Variants in LINGO1 observed in about 807,000 individuals in gnomAD.
LINGO1 encodes leucine rich repeat and Ig domain containing 1, also known as leucine-rich repeat and immunoglobulin-like domain-containing nogo receptor-interacting protein 1.
In LINGO1, 11 loss-of-function variants were observed where a neutral mutation model predicts 37.3. That is an observed-to-expected ratio of 0.29 (90% CI 0.19 to 0.49). The LOEUF is 0.49. LINGO1 is among the 20% of genes least tolerant of loss of function. LINGO1 has a pLI of 0.99. For missense variants in LINGO1, 585 were observed against 878.2 expected, an observed-to-expected ratio of 0.67 and a Z score of 4.22; for synonymous variants, 387 against 403.0, an observed-to-expected ratio of 0.96 and a Z score of 0.48.
At chr15:77,722,018 G>A (rs1169127605) in intron 2 of LINGO1, among the ~76,000 whole-genome samples, 2 of 152,136 alleles carry the variant, frequency 1.3e-5, no homozygotes, top group Admixed American at 6.5e-5. Flanking sequence ...TGGGGGGTGA[G>A]GCTGGGTGCT....
At chr15:77,776,447 T>TAGCAGGAAAGCAGGAAGGCAGGAA (rs1596217529) in intron 1 of LINGO1, among the ~76,000 whole-genome samples, 4 of 34,940 alleles carry the variant, frequency 1.1e-4, no homozygotes, top group African/African-American at 4.1e-4. Context: ...CCCGGGGCTT[T>TAGCAGGAAAGCAGGAAGGCAGGAA]AGCAGGAAGG....
At chr15:77,745,598 G>A (rs61069472) in intron 1 of LINGO1, among the ~76,000 whole-genome samples, 7,035 of 152,196 alleles carry the variant, frequency 0.046, 522 homozygotes, top group African/African-American at 0.16. Context: ...AGTGAAACCT[G>A]CAGGTCTTTT....
At chr15:77,615,945 C>A (rs1370734738) in intron 1 of LINGO1, 45 bp from the exon 2 acceptor site, 1 of 1,381,048 alleles carries the variant, frequency 7.2e-7, no homozygotes, top group Non-Finnish European at 9.5e-7. Flanking sequence ...GGTTAGGGGG[C>A]AGTGTGTGTC....
At chr15:77,645,891 G>A (rs944643425) in intron 3 of LINGO1, among the ~76,000 whole-genome samples, 1 of 152,238 alleles carries the variant, frequency 6.6e-6, no homozygotes, top group Non-Finnish European at 1.5e-5. Flanking sequence ...AAGATGCCAA[G>A]TGCCCTTAGA....
chr15:77,671,462 C>T (rs1056962785), intron 3 of LINGO1, among the ~76,000 whole-genome samples: 3 of 152,212 alleles, frequency 2.0e-5, no homozygotes, highest in South Asian at 2.1e-4. Flanking sequence ...ACAGTGATGA[C>T]GCAGTTGGGC....
chr15:77,661,178 C>T (rs1020162113), intron 3 of LINGO1, among the ~76,000 whole-genome samples: 1 of 152,154 alleles, frequency 6.6e-6, no homozygotes, highest in Non-Finnish European at 1.5e-5. Flanking sequence ...AGGGACAGTG[C>T]CTGAGCCCCC....
At chr15:77,731,153 T>G (rs550879822) in intron 2 of LINGO1, among the ~76,000 whole-genome samples, 1 of 152,110 alleles carries the variant, frequency 6.6e-6, no homozygotes, top group African/African-American at 2.4e-5. Flanking sequence ...GCAGGCAGGC[T>G]GGGGTGGGGG....
intron 2 of LINGO1, among the ~76,000 whole-genome samples, chr15:77,716,858 G>C (rs1484452223): frequency 6.6e-6 from 1 of 150,488 alleles, no homozygotes; most frequent in Non-Finnish European, 1.5e-5. Context: ...CACACAGCAA[G>C]TCAGGGCCCA....
At chr15:77,699,741 CA>C (rs144642433), upstream of LINGO1, among the ~76,000 whole-genome samples, 2 of 202 alleles carry the variant, frequency 9.9e-3, no homozygotes, top group Admixed American at 0.05. Context: ...TACTAACCAT[CA>C]CCTGCACACA....
intron 1 of LINGO1, chr15:77,784,711 G>C (rs542621106): frequency 6.6e-6 from 1 of 150,406 alleles, no homozygotes; most frequent in Non-Finnish European, 1.5e-5. Context: ...CGGTGGCTCA[G>C]AGGCATGAGT....
At chr15:77,686,045 A>AT (rs1277457162) in intron 2 of LINGO1, among the ~76,000 whole-genome samples, 1 of 152,124 alleles carries the variant, frequency 6.6e-6, no homozygotes, top group Non-Finnish European at 1.5e-5. Context: ...CAGCTGGAGC[A>AT]TGGCAGGAGG....
chr15:77,755,611 A>G (rs1331777508), intron 1 of LINGO1, among the ~76,000 whole-genome samples: 3 of 152,176 alleles, frequency 2.0e-5, no homozygotes, highest in African/African-American at 7.2e-5. Flanking sequence ...TAGAGTTGCT[A>G]TCATTGTTTA....
chr15:77,648,079 G>A (rs2074676769), intron 3 of LINGO1: 7 of 374,186 alleles, frequency 1.9e-5, no homozygotes, highest in Non-Finnish European at 1.1e-5. Flanking sequence ...GGTAAGTGGG[G>A]AGGACTTTGG....
At chr15:77,621,189 C>T (rs974897438) in intron 1 of LINGO1, among the ~76,000 whole-genome samples, 6 of 151,894 alleles carry the variant, frequency 4.0e-5, no homozygotes, top group South Asian at 4.2e-4. Context: ...CAGATAGCTG[C>T]GATTATAGGT....
At chr15:77,663,141 T>C (rs184220232) in intron 3 of LINGO1, among the ~76,000 whole-genome samples, 1 of 152,270 alleles carries the variant, frequency 6.6e-6, no homozygotes, top group Admixed American at 6.5e-5. Flanking sequence ...TTAAATCAAA[T>C]CAACCATCTC....
chr15:77,757,976 A>C (rs2076437213), intron 1 of LINGO1, among the ~76,000 whole-genome samples: 1 of 152,212 alleles, frequency 6.6e-6, no homozygotes, highest in Non-Finnish European at 1.5e-5. Flanking sequence ...TTATTCACCA[A>C]CTTCCCACTC....
intron 1 of LINGO1, among the ~76,000 whole-genome samples, chr15:77,767,190 T>C (rs2076538862): frequency 6.6e-6 from 1 of 152,210 alleles, no homozygotes; most frequent in African/African-American, 2.4e-5. Flanking sequence ...GAGAAGGTTC[T>C]AGAAGCTTCC....
At chr15:77,815,344 G>A (rs1380710708) in intron 1 of LINGO1, among the ~76,000 whole-genome samples, 3 of 138,350 alleles carry the variant, frequency 2.2e-5, no homozygotes, top group Non-Finnish European at 4.6e-5. Flanking sequence ...ACCCAAGACT[G>A]CAGTGCCCAC....
chr15:77,647,891 T>A, intron 3 of LINGO1: 1 of 456,704 alleles, frequency 2.2e-6, no homozygotes, highest in South Asian at 1.5e-5. Context: ...AGGAAATATT[T>A]TTCTGGCTAC....
Sources: gnomAD v4.1 joint callset for allele counts (sites outside exome capture counted in the v4.1 genomes callset) on GRCh38, gnomAD v4.1.1 for gene constraint, MANE v1.5 for transcripts, NCBI Gene and HGNC (gene_info 2026-07-23, HGNC 2026-07-21) for gene names.